The following RPH3AL variants were observed in gnomAD, a reference collection of about 807,000 sequenced individuals.
The protein encoded by RPH3AL is rabphilin 3A like (without C2 domains), also known as rab effector Noc2.
RPH3AL carries 38 observed loss-of-function variants against 43.1 expected under a neutral mutation model. That is an observed-to-expected ratio of 0.88 (90% CI 0.68 to 1.15). RPH3AL has a LOEUF of 1.15. Ranked by LOEUF, RPH3AL falls within the 50% of genes most tolerant of loss-of-function variation. RPH3AL has a pLI of 0.00. For synonymous variants in RPH3AL, 189 were observed against 176.3 expected (o/e 1.07, Z -0.57); for missense variants, 462 against 423.2 (o/e 1.09, Z -0.81).
intron 5 of RPH3AL, among the ~76,000 whole-genome samples, chr17:300,689 C>T (rs58337555): frequency 7.5e-6 from 1 of 133,544 alleles, no homozygotes; most frequent in Non-Finnish European, 1.5e-5. Context: ...CCCGCTCTAG[C>T]AGGGGCTGGC....
intron 1 of RPH3AL, among the ~76,000 whole-genome samples, chr17:336,425 G>A (rs1238068965): frequency 6.6e-6 from 1 of 152,184 alleles, no homozygotes; most frequent in African/African-American, 2.4e-5. Flanking sequence ...AGGAGCCCCG[G>A]GGAAACCAGT....
At chr17:315,585 G>A (rs62054963) in intron 5 of RPH3AL, among the ~76,000 whole-genome samples, 10 of 121,376 alleles carry the variant, frequency 8.2e-5, no homozygotes, top group African/African-American at 1.3e-4. Context: ...TTGACCTGTA[G>A]TCCCTGTGCT....
intron 7 of RPH3AL, among the ~76,000 whole-genome samples, chr17:230,088 G>C (rs957684668): frequency 1.3e-5 from 2 of 152,206 alleles, no homozygotes; most frequent in African/African-American, 4.8e-5. Context: ...GGCTGCCATG[G>C]AAAGGCCCCC....
intron 6 of RPH3AL, among the ~76,000 whole-genome samples, chr17:265,923 G>A (rs1253616607): frequency 1.3e-5 from 2 of 152,192 alleles, no homozygotes; most frequent in Non-Finnish European, 2.9e-5. Flanking sequence ...CACCCCACAG[G>A]GTGAGTCTCC....
chr17:331,996 G>C (rs1377528034), intron 2 of RPH3AL: 1 of 707,624 alleles, frequency 1.4e-6, no homozygotes, highest in African/African-American at 1.8e-5. Context: ...GGCCTGGGGA[G>C]CAGAGGCAGG....
At chr17:253,675 CGTTA>C (rs2041978577) in intron 6 of RPH3AL, among the ~76,000 whole-genome samples, 1 of 132,982 alleles carries the variant, frequency 7.5e-6, no homozygotes, top group Non-Finnish European at 1.6e-5. Flanking sequence ...TCCCTAGGAA[CGTTA>C]CTACCCTACG....
intron 5 of RPH3AL, among the ~76,000 whole-genome samples, chr17:312,765 C>T (rs896246775): frequency 6.6e-6 from 1 of 152,222 alleles, no homozygotes; most frequent in Admixed American, 6.5e-5. Context: ...AGAACAGAGG[C>T]CCAGAGAGGT....
intron 6 of RPH3AL, among the ~76,000 whole-genome samples, chr17:279,426 T>C (rs947431513): frequency 1.3e-5 from 2 of 152,118 alleles, no homozygotes; most frequent in African/African-American, 4.8e-5. Flanking sequence ...GGCAAAGTAA[T>C]AGCGTAATGC....
intron 4 of RPH3AL, 64 bp downstream of exon 4, chr17:321,208 T>C: frequency 1.9e-6 from 3 of 1,551,234 alleles, no homozygotes; most frequent in Non-Finnish European, 2.6e-6. Context: ...GGCCTCCCAG[T>C]CCCCTGCGCT....
rs1036037901 is a variant in RPH3AL at position 283,070 on chromosome 17, C to T, written c.352-1216G>A. Among the ~76,000 whole-genome samples, 1 of 152,152 alleles carries T rather than the reference C, an allele frequency of 6.6e-6. No individual in the cohort carries two copies. The highest frequency in any genetic ancestry group is 1.5e-5 in the Non-Finnish European group (1 of 68,042). On this transcript the variant is annotated intron_variant, in intron 5 of 9. Transcript: ENST00000331302. The surrounding 1 kb of genome is among the most constrained non-coding windows in gnomAD (Gnocchi z 4.2). ...CTAACCCAGGCAGAGTCTGATTCAG[C>T]GATCGCTGGCGACTCCTCAGGACTG... is the stretch of plus-strand genomic sequence containing the variant.
chr17:337,523 A>G (rs939946025), intron 1 of RPH3AL, among the ~76,000 whole-genome samples: 4 of 152,200 alleles, frequency 2.6e-5, no homozygotes, highest in Admixed American at 6.5e-5. Flanking sequence ...AGCCCCTGCT[A>G]AGACTCCTGC....
At chr17:253,364 C>G (rs1004008052) in intron 6 of RPH3AL, among the ~76,000 whole-genome samples, 1 of 152,116 alleles carries the variant, frequency 6.6e-6, no homozygotes, top group Non-Finnish European at 1.5e-5. Flanking sequence ...ACTAAGACAC[C>G]CCACAGAGCT....
At chr17:265,569 C>G (rs782275761) in intron 6 of RPH3AL, among the ~76,000 whole-genome samples, 1 of 152,224 alleles carries the variant, frequency 6.6e-6, no homozygotes, top group African/African-American at 2.4e-5. Flanking sequence ...CCTCTTCCCT[C>G]TTCCCTCCCT....
chr17:300,496 C>T (rs373550068), intron 5 of RPH3AL, among the ~76,000 whole-genome samples: 1,457 of 13,200 alleles, frequency 0.11, 206 homozygotes, highest in East Asian at 0.23. Context: ...ATCTCTTACC[C>T]GCTCTAGCAG....
At chr17:242,950 ACT>A (rs1555537745) in intron 7 of RPH3AL, among the ~76,000 whole-genome samples, 24 of 135,752 alleles carry the variant, frequency 1.8e-4, no homozygotes, top group Admixed American at 2.9e-4. Flanking sequence ...TCCTCTATTG[ACT>A]ACCTTCCTCT....
Position 215,167 on chromosome 17 carries a change from C to G in RPH3AL, c.876+487G>C, listed in dbSNP as rs539293081. 1.3e-5 allele frequency among the ~76,000 whole-genome samples: 2 copies of G among 152,132 alleles called. No individual in the cohort carries two copies. Among genetic ancestry groups the G allele is most frequent in the Non-Finnish European group, 2.9e-5 (2 of 68,022 alleles). On this transcript the variant is annotated intron_variant, in intron 9 of 9. Transcript: ENST00000331302. The surrounding 1 kb of genome is among the most constrained non-coding windows in gnomAD (Gnocchi z 4.1). ...GGAGACAGGGCTGATCCTGCACCTG[C>G]GCAGTTTTCTCTGGCTTCAGTTTAA...
At chr17:219,883 A>G in intron 7 of RPH3AL, 147 bp from the exon 8 acceptor site, 2 of 624,732 alleles carry the variant, frequency 3.2e-6, no homozygotes, top group South Asian at 3.6e-5. Context: ...AGAAGAAATA[A>G]TGGCCTGGGG....
intron 6 of RPH3AL, among the ~76,000 whole-genome samples, chr17:262,274 A>T (rs1194534794): frequency 6.6e-6 from 1 of 152,216 alleles, no homozygotes; most frequent in Middle Eastern, 3.4e-3. Context: ...GCTGGAGTGC[A>T]GCGGCACAAT....
At position 215,678 on chromosome 17, in the gene RPH3AL, G is replaced by A. The variant is rs746661848; in HGVS notation, c.852C>T (p.Arg284=). 110 of 1,276,890 alleles carry A rather than the reference G, an allele frequency of 8.6e-5. No homozygotes were observed. Among genetic ancestry groups the A allele is most frequent in the Non-Finnish European group, 8.6e-5 (87 of 1,006,480 alleles). The allele number at this position is 1,276,890 out of a possible 1,614,324, so 79.1% of individuals were successfully genotyped here. Residue 284 remains arginine, a synonymous_variant, in exon 9 of 10, where the codon CGC becomes CGT. Transcript: ENST00000331302. The surrounding 1 kb of genome is among the most constrained non-coding windows in gnomAD (Gnocchi z 4.1). ...TGSADPPGGP[R]PGLTRRAPVK... ...CCGGGGCCCTTCGGGTCAGCCCGGGGCGGGGTCCCCCTGGCGGGTCAGCAG... is the reference window on the plus strand; with the variant it reads ...CCGGGGCCCTTCGGGTCAGCCCGGGACGGGGTCCCCCTGGCGGGTCAGCAG...
Sources: gnomAD v4.1 joint callset for allele counts (sites outside exome capture counted in the v4.1 genomes callset) on GRCh38, gnomAD v4.1.1 for gene constraint, Gnocchi (gnomAD v3.1) non-coding constraint, MANE v1.5 for transcripts, NCBI Gene and HGNC (gene_info 2026-07-23, HGNC 2026-07-21) for gene names.